Variants in SP4 observed in about 807,000 individuals in gnomAD.
SP4 encodes the protein Sp4 transcription factor, also known as transcription factor Sp4.
SP4 carries 19 observed loss-of-function variants against 72.8 expected under a neutral mutation model. The observed-to-expected ratio is 0.26, with a 90% CI of 0.18 to 0.38. The LOEUF (loss-of-function observed/expected upper bound fraction) is 0.38, where lower values mean the gene tolerates loss of function less well. SP4 is among the 10% of genes least tolerant of loss of function. The probability of loss-of-function intolerance (pLI) is 1.00; values close to 1 mark genes in which losing one functional copy is unlikely to be tolerated. For synonymous variants in SP4, 395 were observed against 333.1 expected (o/e 1.19, Z -2.02); for missense variants, 1,008 against 926.3 (o/e 1.09, Z -1.14).
At chr7:21,503,356 G>T (rs929908053) in intron 5 of SP4, among the ~76,000 whole-genome samples, 2 of 152,118 alleles carry the variant, frequency 1.3e-5, no homozygotes, top group African/African-American at 2.4e-5. Flanking sequence ...TTTTATTGGT[G>T]CTTGTTCTAA....
At chr7:21,503,668 T>C (rs773668719) in intron 5 of SP4, among the ~76,000 whole-genome samples, 9 of 152,232 alleles carry the variant, frequency 5.9e-5, no homozygotes, top group Non-Finnish European at 1.2e-4. Flanking sequence ...GAAAGGCTTC[T>C]ACCCAGCCTG....
intron 3 of SP4, among the ~76,000 whole-genome samples, chr7:21,452,089 G>GA (rs928865674): frequency 3.2e-4 from 49 of 152,138 alleles, no homozygotes; most frequent in African/African-American, 9.2e-4. Context: ...CTAAATGGCA[G>GA]AAAAAAACTT....
In SP4 at chr7:21,429,506, A is replaced by G; in HGVS notation, c.341A>G (p.Glu114Gly). The change falls in exon 3 of 6, where the codon GAG becomes GGG. Residue 114 changes from glutamate (E) to glycine (G), a missense_variant. By Grantham distance (98) the Glu-to-Gly change is moderately conservative. Around this residue, in one of 3 missense-constraint regions of SP4, gnomAD observed 893 missense variants for 743.3 expected, o/e 1.20. Coordinates refer to ENST00000222584, the MANE Select transcript of SP4 (RefSeq NM_003112.5). ...GCCTCCACTCCTCCTGCTTCAAAAGAGAATAACGTTTCTCAACCAGCCTCT... is the reference window on the plus strand; with the variant it reads ...GCCTCCACTCCTCCTGCTTCAAAAGGGAATAACGTTTCTCAACCAGCCTCT... ...LVASTPPASKENNVSQPASSS... is the reference protein window; with the variant it reads ...LVASTPPASKGNNVSQPASSS... The G allele has an allele frequency of 1.2e-6, 2 of 1,614,218 alleles. No individual in the cohort carries two copies. Among genetic ancestry groups the G allele is most frequent in the South Asian group, 2.2e-5 (2 of 91,086 alleles).
At position 21,428,241 on chromosome 7, in the gene SP4, G is replaced by C. The variant is rs756128801; in HGVS notation, c.-11G>C. The C allele has an allele frequency of 2.0e-6, 3 of 1,485,216 alleles. No homozygotes were observed. The highest frequency in any genetic ancestry group is 3.1e-5 in the African/African-American group (2 of 65,472). 92.0% of individuals were successfully genotyped at this position (1,485,216 alleles called of 1,614,324 possible). On this transcript the variant is annotated 5_prime_UTR_variant, in exon 1 of 6. Coordinates refer to ENST00000222584, the MANE Select transcript of SP4 (RefSeq NM_003112.5). ...GTGTCTCCGTCTGAGGGTTTGTCCT[G>C]TTAATGCGGGATGAGCGGTACGTAT...
chr7:21,448,869 A>G (rs918899508), intron 3 of SP4, among the ~76,000 whole-genome samples: 5 of 152,212 alleles, frequency 3.3e-5, no homozygotes, highest in African/African-American at 7.2e-5. Flanking sequence ...TAAATAGCCA[A>G]TGGAAATGAG....
In SP4 at chr7:21,430,452, A is replaced by G. The variant is rs773036462; in HGVS notation, c.1287A>G (p.Ser429=). 7 of 1,614,228 alleles carry G rather than the reference A, an allele frequency of 4.3e-6. No homozygotes were observed. The highest frequency in any genetic ancestry group is 1.7e-6 in the Non-Finnish European group (2 of 1,180,038). The change falls in exon 3 of 6, where the codon TCA becomes TCG. Residue 429 remains serine (S), a synonymous_variant. Transcript: ENST00000222584. The part of the protein sequence containing the change: ...AIPPQSFQLQ[S]GQTIQTIQQQ... ...CACCACAGTCGTTTCAACTCCAGTC[A>G]GGGCAGACGATTCAGACCATCCAGC...
At chr7:21,508,604 G>C (rs1443230077) in intron 5 of SP4, among the ~76,000 whole-genome samples, 1 of 152,078 alleles carries the variant, frequency 6.6e-6, no homozygotes, top group East Asian at 1.9e-4. Flanking sequence ...TGGGATTACA[G>C]GTGTGAGCCA....
At chr7:21,457,702 T>C (rs765484294) in intron 3 of SP4, among the ~76,000 whole-genome samples, 16 of 152,224 alleles carry the variant, frequency 1.1e-4, no homozygotes, top group Non-Finnish European at 1.9e-4. Context: ...AAAATAATAA[T>C]TAAATCCCCC....
In SP4 at chr7:21,430,645, T is replaced by C; in HGVS notation, c.1480T>C (p.Leu494=). 2 of 1,614,220 alleles carry C rather than the reference T, an allele frequency of 1.2e-6. No homozygotes were observed. The highest frequency in any genetic ancestry group is 1.7e-6 in the Non-Finnish European group (2 of 1,180,046). The change falls in exon 3 of 6, where the codon TTA becomes CTA. Residue 494 remains leucine, a synonymous_variant. Transcript: ENST00000222584. ...TCAGAATGCTGGGTTATCCCAACAATTAACCATCACCCCAGTGTCTTCAAG... is the reference window on the plus strand; with the variant it reads ...TCAGAATGCTGGGTTATCCCAACAACTAACCATCACCCCAGTGTCTTCAAG... The part of the protein sequence containing the change: ...QVQNAGLSQQ[L]TITPVSSSGG...
At chr7:21,451,470 C>G (rs1783598319) in intron 3 of SP4, among the ~76,000 whole-genome samples, 1 of 152,118 alleles carries the variant, frequency 6.6e-6, no homozygotes, top group Admixed American at 6.6e-5. Flanking sequence ...GACCCCAGTT[C>G]TTTGGGGAAA....
At chr7:21,488,364 C>G (rs556872336) in intron 5 of SP4, among the ~76,000 whole-genome samples, 20 of 152,080 alleles carry the variant, frequency 1.3e-4, no homozygotes, top group Admixed American at 6.5e-4. Context: ...TTCCATGTCT[C>G]CCTCCCAGCA....
intron 3 of SP4, among the ~76,000 whole-genome samples, chr7:21,468,886 T>C (rs1458844679): frequency 6.6e-6 from 1 of 152,178 alleles, no homozygotes; most frequent in Non-Finnish European, 1.5e-5. Context: ...GAATTTCTCA[T>C]GCTCCATGAG....
At chr7:21,437,904 G>C (rs1290595993) in intron 3 of SP4, among the ~76,000 whole-genome samples, 1 of 151,992 alleles carries the variant, frequency 6.6e-6, no homozygotes, top group Non-Finnish European at 1.5e-5. Context: ...CCAGAATGAA[G>C]AATGTGGAAA....
At chr7:21,509,820 T>G (rs905948821) in intron 5 of SP4, among the ~76,000 whole-genome samples, 6 of 152,200 alleles carry the variant, frequency 3.9e-5, no homozygotes, top group Non-Finnish European at 7.3e-5. Flanking sequence ...TCTCATTATA[T>G]TAGTCTGTTT....
chr7:21,492,871 A>G (rs1785016246), intron 5 of SP4, among the ~76,000 whole-genome samples: 1 of 152,220 alleles, frequency 6.6e-6, no homozygotes. Flanking sequence ...GAGGTAGACC[A>G]TATTCTGGAC....
chr7:21,498,361 G>C (rs375567114), intron 5 of SP4, among the ~76,000 whole-genome samples: 1 of 152,080 alleles, frequency 6.6e-6, no homozygotes, highest in Non-Finnish European at 1.5e-5. Context: ...GGGGATCTAC[G>C]GGGTCCTGGG....
chr7:21,437,553 AAT>A (rs1389409415), intron 3 of SP4, among the ~76,000 whole-genome samples: 1 of 152,180 alleles, frequency 6.6e-6, no homozygotes, highest in Admixed American at 6.5e-5. Context: ...ACTGAATTCA[AAT>A]ATGAGACAAA....
At chr7:21,477,009 ATTT>A in intron 3 of SP4, 67 bp from the exon 4 acceptor site, 1 of 1,061,592 alleles carries the variant, frequency 9.4e-7, no homozygotes. Context: ...ATGCACATAG[ATTT>A]TTTTTTTTAA....
Position 21,511,502 on chromosome 7 carries a change from G to C in SP4, c.*233G>C, listed in dbSNP as rs1465373785. Reference sequence around the variant, plus strand: ...TATTTCCTCCATACTATAAGTTGTAGTTGTTTGGAAATATATCACATAACC... The same window carrying C: ...TATTTCCTCCATACTATAAGTTGTACTTGTTTGGAAATATATCACATAACC... On this transcript the variant is annotated 3_prime_UTR_variant, in exon 6 of 6. Coordinates refer to ENST00000222584, the MANE Select transcript of SP4 (RefSeq NM_003112.5). The C allele has an allele frequency of 2.1e-6, 1 of 471,512 alleles. No individual in the cohort carries two copies. The highest frequency in any genetic ancestry group is 3.8e-6 in the Non-Finnish European group (1 of 263,338). The allele number at this position is 471,512 out of a possible 1,614,324, so 29.2% of individuals were successfully genotyped here. A position where few individuals can be genotyped will look rare whatever the true frequency, so the allele number is the denominator to read the frequency against.
Sources: gnomAD v4.1 joint callset for allele counts (sites outside exome capture counted in the v4.1 genomes callset) on GRCh38, gnomAD v4.1.1 for gene constraint, gnomAD v4.1.1 regional missense constraint, MANE v1.5 for transcripts, NCBI Gene and HGNC (gene_info 2026-07-23, HGNC 2026-07-21) for gene names.